ZRANB3: variants seen among roughly 807,000 people sequenced by gnomAD.
ZRANB3 encodes zinc finger RANBP2-type containing 3.
Under a neutral mutation model 133.8 loss-of-function variants are expected in ZRANB3, and 125 were observed. The observed-to-expected ratio is 0.93, with a 90% CI of 0.81 to 1.08. ZRANB3 has a LOEUF of 1.08. ZRANB3 is among the 50% of genes least tolerant of loss of function. The pLI is 0.00. For synonymous variants in ZRANB3, 387 were observed against 432.7 expected (o/e 0.89, Z 1.31); for missense variants, 1,229 against 1,275.5 (o/e 0.96, Z 0.56).
chr2:135,225,145 T>C (rs993226969), intron 14 of ZRANB3, among the ~76,000 whole-genome samples: 2 of 152,234 alleles, frequency 1.3e-5, no homozygotes, highest in African/African-American at 4.8e-5. Context: ...CCAGGCACTG[T>C]TGTAGGTACA....
chr2:135,307,837 C>T (rs891352411), intron 8 of ZRANB3, among the ~76,000 whole-genome samples: 5 of 152,112 alleles, frequency 3.3e-5, no homozygotes, highest in African/African-American at 9.7e-5. Flanking sequence ...GTTACATTTA[C>T]CTTTGGAGCA....
intron 6 of ZRANB3, 142 bp downstream of exon 6, chr2:135,345,408 T>C (rs1378104053): frequency 5.2e-6 from 3 of 577,356 alleles, no homozygotes; most frequent in East Asian, 6.0e-5. Context: ...GCAGAGATTG[T>C]AGTGAGCCAT....
intron 2 of ZRANB3, among the ~76,000 whole-genome samples, chr2:135,501,938 GAT>G (rs1335205813): frequency 6.6e-6 from 1 of 152,082 alleles, no homozygotes; most frequent in Non-Finnish European, 1.5e-5. Flanking sequence ...TCTGTAAGGT[GAT>G]ATTTTGAGAC....
At chr2:135,525,065 T>A (rs1198876319) in intron 1 of ZRANB3, among the ~76,000 whole-genome samples, 1 of 152,022 alleles carries the variant, frequency 6.6e-6, no homozygotes, top group Non-Finnish European at 1.5e-5. Flanking sequence ...CTTCTAGCCA[T>A]AGGAAGAAAA....
chr2:135,225,046 T>C (rs1346105194), intron 14 of ZRANB3, among the ~76,000 whole-genome samples: 4 of 152,226 alleles, frequency 2.6e-5, no homozygotes, highest in African/African-American at 7.2e-5. Flanking sequence ...TCAGTCCTAC[T>C]GTCCAATATA....
intron 2 of ZRANB3, among the ~76,000 whole-genome samples, chr2:135,442,596 T>A (rs1207483582): frequency 6.6e-6 from 1 of 152,164 alleles, no homozygotes; most frequent in African/African-American, 2.4e-5. Flanking sequence ...ACACTGTTGG[T>A]GGGAGTGTAA....
At chr2:135,371,132 G>A (rs572820423) in intron 3 of ZRANB3, among the ~76,000 whole-genome samples, 20 of 152,124 alleles carry the variant, frequency 1.3e-4, no homozygotes, top group Non-Finnish European at 2.4e-4. Flanking sequence ...GGCCTCTTTG[G>A]ATTTTTAAGT....
intron 1 of ZRANB3, among the ~76,000 whole-genome samples, chr2:135,506,336 G>A (rs926045247): frequency 1.3e-5 from 2 of 152,106 alleles, no homozygotes; most frequent in Admixed American, 1.3e-4. Context: ...TTTGCAGTGA[G>A]CTGAGATCGC....
intron 12 of ZRANB3, among the ~76,000 whole-genome samples, chr2:135,249,633 T>C (rs530409099): frequency 7.7e-4 from 118 of 152,302 alleles, no homozygotes; most frequent in Admixed American, 2.2e-3. Context: ...AATTGAATCA[T>C]GGGGGCCAGT....
chr2:135,507,833 T>C (rs1693262021), intron 1 of ZRANB3, among the ~76,000 whole-genome samples: 1 of 152,120 alleles, frequency 6.6e-6, no homozygotes, highest in Admixed American at 6.5e-5. Flanking sequence ...TGCATGCCTG[T>C]AGTCCCAACT....
At chr2:135,521,042 C>T (rs988585532) in intron 1 of ZRANB3, among the ~76,000 whole-genome samples, 2 of 152,156 alleles carry the variant, frequency 1.3e-5, no homozygotes, top group Non-Finnish European at 2.9e-5. Context: ...TCTTGAAATT[C>T]TCAAAACAAC....
intron 8 of ZRANB3, among the ~76,000 whole-genome samples, chr2:135,297,672 G>C (rs563648402): frequency 6.6e-6 from 1 of 152,198 alleles, no homozygotes; most frequent in Non-Finnish European, 1.5e-5. Context: ...CATCGCTCAC[G>C]CTGGGAGCTG....
intron 1 of ZRANB3, 29 bp from the exon 2 acceptor site, chr2:135,504,525 A>G (rs757936365): frequency 6.3e-7 from 1 of 1,582,828 alleles, no homozygotes. Context: ...CAAAAAAGGG[A>G]GGGGTATAAG....
intron 3 of ZRANB3, among the ~76,000 whole-genome samples, chr2:135,360,895 T>A (rs1236393115): frequency 6.6e-6 from 1 of 151,798 alleles, no homozygotes; most frequent in Non-Finnish European, 1.5e-5. Context: ...GCCTCCTGAG[T>A]AGCTGAGACT....
At chr2:135,420,091 T>TTATA (rs201217358) in intron 2 of ZRANB3, among the ~76,000 whole-genome samples, 3,214 of 72,130 alleles carry the variant, frequency 0.045, 78 homozygotes, top group East Asian at 0.12. Flanking sequence ...TATCTTAGAT[T>TTATA]TATATATATA....
intron 3 of ZRANB3, among the ~76,000 whole-genome samples, chr2:135,364,371 C>A (rs929442308): frequency 1.3e-5 from 2 of 152,202 alleles, no homozygotes; most frequent in Non-Finnish European, 2.9e-5. Context: ...GGTTTCTTGA[C>A]TGACCTTTAA....
intron 3 of ZRANB3, among the ~76,000 whole-genome samples, chr2:135,385,100 G>A (rs993393456): frequency 9.2e-5 from 14 of 152,260 alleles, no homozygotes; most frequent in Admixed American, 3.9e-4. Context: ...AAACCCCATC[G>A]TCTCAGCCCA....
intron 1 of ZRANB3, among the ~76,000 whole-genome samples, chr2:135,509,041 T>A (rs1233663936): frequency 8.6e-5 from 13 of 151,514 alleles, no homozygotes; most frequent in Non-Finnish European, 1.6e-4. Flanking sequence ...ATACATAATT[T>A]AAAAAAAAAT....
intron 2 of ZRANB3, among the ~76,000 whole-genome samples, chr2:135,466,949 G>A (rs547749883): frequency 2.0e-5 from 3 of 152,194 alleles, no homozygotes; most frequent in African/African-American, 7.2e-5. Flanking sequence ...GTGAGCTACC[G>A]CGCCTGGCTT....
Sources: allele counts gnomAD v4.1 joint callset (sites outside exome capture counted in the v4.1 genomes callset), GRCh38; gene constraint gnomAD v4.1.1; transcripts MANE v1.5; gene names NCBI Gene and HGNC (gene_info 2026-07-23, HGNC 2026-07-21).